Variants in TTN observed in about 807,000 individuals in gnomAD.
TTN encodes connectin.
TTN carries 1,525 observed loss-of-function variants against 3,223.0 expected under a neutral mutation model. The ratio of observed to expected loss-of-function variants is 0.47; its 90% confidence interval spans 0.45 to 0.49. The LOEUF is 0.49. TTN is among the 20% of genes least tolerant of loss of function. TTN has a pLI of 0.00. For missense variants in TTN, 40,786 were observed against 43,424.0 expected (o/e 0.94, Z 5.40); for synonymous variants, 14,094 against 15,161.0 (o/e 0.93, Z 5.17).
At chr2:178,784,652 T>A (rs1181929982) in intron 15 of TTN, among the ~76,000 whole-genome samples, 1 of 152,202 alleles carries the variant, frequency 6.6e-6, no homozygotes, top group Non-Finnish European at 1.5e-5. Flanking sequence ...AGTCACGAAT[T>A]TTCACTTAAC....
chr2:178,636,426 C>G lies in TTN; in HGVS notation c.41301G>C (p.Lys13767Asn). 6.2e-7 allele frequency: 1 copy of G among 1,610,366 alleles called. No individual in the cohort carries two copies. ...CTACAACAAGTTTAGCCGTGGAGGT[C>G]TTTTCTTTGTTTCCCAAACGTAAAA... ...TCVLRLGNKE[K>N]TSTAKLVVEE... The change falls in exon 225 of 363, where the codon AAG becomes AAC. Residue 13767 changes from lysine to asparagine, a missense_variant. Coordinates refer to ENST00000589042, the MANE Select transcript of TTN (RefSeq NM_001267550.2). The surrounding 1 kb of genome is among the most constrained non-coding windows in gnomAD (Gnocchi z 4.3).
At chr2:178,736,485 T>TCCC (rs2081466513) in intron 49 of TTN, among the ~76,000 whole-genome samples, 1 of 152,154 alleles carries the variant, frequency 6.6e-6, no homozygotes, top group Non-Finnish European at 1.5e-5. Context: ...GATAAGAAGA[T>TCCC]TGAAGTAGTT....
At position 178,536,058 on chromosome 2, in the gene TTN, A is replaced by G. The variant is rs1265230833; in HGVS notation, c.100689T>C (p.Asp33563=). 6.3e-7 allele frequency: 1 copy of G among 1,599,258 alleles called. No homozygotes were observed. Among genetic ancestry groups the G allele is most frequent in the Non-Finnish European group, 8.5e-7 (1 of 1,170,442 alleles). The change falls in exon 357 of 363, where the codon GAT becomes GAC. Residue 33563 remains aspartate, a synonymous_variant. Coordinates refer to ENST00000589042, the MANE Select transcript of TTN (RefSeq NM_001267550.2). The part of the protein sequence containing the change: ...HQLIIASVTD[D]DATVYQVRAT... Reference sequence around the variant, plus strand: ...CTCTGACTTGGTAAACTGTGGCATCATCATCTGTGACACTTGCAATGATGA... The same window carrying G: ...CTCTGACTTGGTAAACTGTGGCATCGTCATCTGTGACACTTGCAATGATGA...
In TTN at chr2:178,562,053, T is replaced by C. The variant is rs1647599149; in HGVS notation, c.84079A>G (p.Lys28027Glu). The C allele has an allele frequency of 1.9e-6, 3 of 1,613,396 alleles. No homozygotes were observed. The highest frequency in any genetic ancestry group is 2.5e-6 in the Non-Finnish European group (3 of 1,179,682). Residue 28027 changes from lysine to glutamate, a missense_variant, in exon 326 of 363, where the codon AAG becomes GAG. By Grantham distance (56) the Lys-to-Glu change is moderately conservative. Transcript: ENST00000589042. ...VTSLSIKEAS[K>E]EDVGTYELCV... ...AATTCATAAGTTCCAACATCTTCCTTTGAAGCTTCCTTAATAGATAGTGAT... is the reference window on the plus strand; with the variant it reads ...AATTCATAAGTTCCAACATCTTCCTCTGAAGCTTCCTTAATAGATAGTGAT...
In TTN at chr2:178,712,745, T is replaced by C. The variant is rs768623560; in HGVS notation, c.27280A>G (p.Ser9094Gly). 4 of 1,613,754 alleles carry C rather than the reference T, an allele frequency of 2.5e-6. No individual in the cohort carries two copies. The Admixed American group carries it at 6.7e-5, about 27-fold the overall frequency. The change falls in exon 94 of 363, where the codon AGC (serine) becomes GGC (glycine). Residue 9094 changes from serine to glycine, a missense_variant. Physicochemically the swap from Ser to Gly is moderately conservative, Grantham distance 56. Transcript: ENST00000589042. ...SQSGEYTCIV[S>G]NEAGKASCTT... Reference sequence around the variant, plus strand: ...CAAGAAGCCTTGCCAGCTTCATTGCTAACTATGCAAGTATATTCTCCACTT... The same window carrying C: ...CAAGAAGCCTTGCCAGCTTCATTGCCAACTATGCAAGTATATTCTCCACTT...
In TTN at chr2:178,533,251, C is replaced by T. The variant is rs756023873; in HGVS notation, c.103364G>A (p.Arg34455His). The T allele has an allele frequency of 1.2e-5, 20 of 1,613,832 alleles. No homozygotes were observed. Among genetic ancestry groups the T allele is most frequent in the African/African-American group, 1.1e-4 (8 of 74,916 alleles). ...GAATTCCTGTTTCTTGTACCTCAGG[C>T]GTTCCACTTGTAGGTGAGCCTGGCA... ...TSCQAHLQVE[R>H]LRYKKQEFKS... Residue 34455 changes from arginine to histidine, a missense_variant, in exon 358 of 363, where the codon CGC becomes CAC. Transcript: ENST00000589042.
chr2:178,706,404 C>A, intron 102 of TTN, 50 bp downstream of exon 102: 1 of 1,530,582 alleles, frequency 6.5e-7, no homozygotes, highest in South Asian at 1.3e-5. Flanking sequence ...ATGCGGAACC[C>A]ACTTATATGG....
chr2:178,747,601 T>C lies in TTN; in HGVS notation c.11311+5523A>G, dbSNP rs2084038406. On this transcript the variant is annotated intron_variant, in intron 47 of 362. Transcript: ENST00000589042. ...CTTCCACCTCCATTGAAGTGATTGA[T>C]TCACTCTGGACAAGCTTTGCCTGGT... 2.5e-6 allele frequency: 4 copies of C among 1,613,172 alleles called. No homozygotes were observed. Among genetic ancestry groups the C allele is most frequent in the South Asian group, 1.1e-5 (1 of 91,076 alleles).
chr2:178,675,901 T>A lies in TTN; in HGVS notation c.34453+20A>T. The A allele has an allele frequency of 6.2e-7, 1 of 1,601,182 alleles. No homozygotes were observed. The highest frequency in any genetic ancestry group is 2.2e-5 in the East Asian group (1 of 44,694). ...AAGGAAGGAAATGGCATAGTCTAAT[T>A]TACTTCGGAATAGCAATACCTTTGG... On this transcript the variant is annotated intron_variant, in intron 148 of 362. Transcript: ENST00000589042.
At chr2:178,546,559 T>C in intron 341 of TTN, 41 bp downstream of exon 341, 1 of 1,593,920 alleles carries the variant, frequency 6.3e-7, no homozygotes, top group East Asian at 2.3e-5. Flanking sequence ...TTCACATAAA[T>C]TGAGATAATT....
chr2:178,606,543 T>G (rs962963350), intron 278 of TTN, among the ~76,000 whole-genome samples: 3 of 152,004 alleles, frequency 2.0e-5, no homozygotes, highest in Non-Finnish European at 4.4e-5. Flanking sequence ...GTTGGTTTTC[T>G]ATTCTTTGGA....
chr2:178,710,568 C>A, intron 98 of TTN, 67 bp downstream of exon 98: 2 of 1,494,294 alleles, frequency 1.3e-6, no homozygotes, highest in South Asian at 1.4e-5. Context: ...ATCATAAAAA[C>A]GACACCTTCA....
chr2:178,593,119 G>C, intron 299 of TTN, 36 bp from the exon 300 acceptor site: 2 of 1,610,510 alleles, frequency 1.2e-6, no homozygotes, highest in African/African-American at 2.7e-5. Context: ...TTAGCATATA[G>C]CTGAAAACAA....
In TTN at chr2:178,543,387, C is replaced by G; in HGVS notation, c.96586G>C (p.Ala32196Pro). ...AAAGGCACTTCTGAGACCAGTACTG[C>G]ATCAGATGTTTCACAAGGTTCTCCA... ...GIGEPCETSD[A>P]VLVSEVPLVP... Residue 32196 changes from alanine (A) to proline (P), a missense_variant, in exon 347 of 363, where the codon GCA (alanine) becomes CCA (proline). Coordinates refer to ENST00000589042, the MANE Select transcript of TTN (RefSeq NM_001267550.2). The G allele has an allele frequency of 3.1e-6, 5 of 1,613,888 alleles. No homozygotes were observed. Among genetic ancestry groups the G allele is most frequent in the Non-Finnish European group, 4.2e-6 (5 of 1,179,816 alleles).
Position 178,732,895 on chromosome 2 carries a change from G to C in TTN, c.16281C>G (p.Phe5427Leu). ...CCACGGAATTTGTGGCTCGACAAGT[G>C]AAATTCCCTGCATCATTCATGTCTA... ...IRVDMNDAGN[F>L]TCRATNSVGS... is the part of the protein sequence containing the mutation. The change falls in exon 55 of 363, where the codon TTC becomes TTG. Residue 5427 changes from phenylalanine (F) to leucine (L), a missense_variant. Phe to Leu is a conservative substitution (Grantham distance 22, BLOSUM62 0). Coordinates refer to ENST00000589042, the MANE Select transcript of TTN (RefSeq NM_001267550.2). 1 of 1,613,436 alleles carries C rather than the reference G, an allele frequency of 6.2e-7. No homozygotes were observed. The highest frequency in any genetic ancestry group is 8.5e-7 in the Non-Finnish European group (1 of 1,179,666).
Position 178,778,810 on chromosome 2 carries a change from GCTA to G in TTN, c.4208+61_4208+63del, listed in dbSNP as rs1574697343. On this transcript the variant is annotated intron_variant, in intron 24 of 362. Coordinates refer to ENST00000589042, the MANE Select transcript of TTN (RefSeq NM_001267550.2). The stretch of plus-strand genomic sequence containing the variant: ...TTTTCTTCTTACACAATAGCAATTT[GCTA>G]CTATTTGATGTTTTGAAAACAATTT... 1.9e-6 allele frequency: 3 copies of G among 1,606,542 alleles called. No homozygotes were observed. The East Asian group carries it at 6.7e-5, about 36-fold the overall frequency.
rs373422655 is a variant in TTN at position 178,663,669 on chromosome 2, G to T, written c.36490C>A (p.Pro12164Thr). Residue 12164 changes from proline to threonine, a missense_variant, in exon 171 of 363, where the codon CCA becomes ACA. Coordinates refer to ENST00000589042, the MANE Select transcript of TTN (RefSeq NM_001267550.2). ...PKEVVPEKKA[P>T]VAPPKEPEVP... ...TCAGGCTCTTTAGGAGGAGCCACTG[G>T]CGCTTTCTTTTCAGGAACTACTTCT... is the stretch of plus-strand genomic sequence containing the variant. 1.3e-5 allele frequency: 21 copies of T among 1,612,324 alleles called. No homozygotes were observed. In the African/African-American group the frequency reaches 2.3e-4, roughly 18 times the overall value.
Position 178,535,141 on chromosome 2 carries a change from A to G in TTN, c.101474T>C (p.Leu33825Pro), listed in dbSNP as rs1559044679. 6.2e-7 allele frequency: 1 copy of G among 1,613,848 alleles called. No homozygotes were observed. The highest frequency in any genetic ancestry group is 2.2e-5 in the East Asian group (1 of 44,876). The change falls in exon 358 of 363, where the codon CTT becomes CCT. Residue 33825 changes from leucine to proline, a missense_variant. Coordinates refer to ENST00000589042, the MANE Select transcript of TTN (RefSeq NM_001267550.2). ...GACAATTCCAAACTCACCACGCCCA[A>G]GATCTTCAGCAATCATATATTTCTC... ...LYEKYMIAED[L>P]GRGEFGIVHR...
In TTN at chr2:178,774,191, G is replaced by A. The variant is rs760398281; in HGVS notation, c.7057+16C>T. 1 of 1,614,078 alleles carries A rather than the reference G, an allele frequency of 6.2e-7. No homozygotes were observed. The highest frequency in any genetic ancestry group is 1.1e-5 in the South Asian group (1 of 91,084). ...AATGATGCTCACTGCAGGCTGACAGGAATGGGAGGACTTACGTTTCATCTT... is the reference window on the plus strand; with the variant it reads ...AATGATGCTCACTGCAGGCTGACAGAAATGGGAGGACTTACGTTTCATCTT... On this transcript the variant is annotated intron_variant, in intron 30 of 362. Transcript: ENST00000589042.
Sources: allele counts gnomAD v4.1 joint callset (sites outside exome capture counted in the v4.1 genomes callset), GRCh38; gene constraint gnomAD v4.1.1; non-coding constraint Gnocchi (gnomAD v3.1); transcripts MANE v1.5; gene names NCBI Gene and HGNC (gene_info 2026-07-23, HGNC 2026-07-21).